Variants in LUC7L2 observed in about 807,000 individuals in gnomAD.
LUC7L2 encodes the protein putative RNA-binding protein Luc7-like 2.
LUC7L2 carries 25 observed loss-of-function variants against 52.8 expected under a neutral mutation model. That is an observed-to-expected ratio of 0.47 (90% CI 0.34 to 0.66). The LOEUF (loss-of-function observed/expected upper bound fraction) is 0.66, where lower values mean the gene tolerates loss of function less well. Ranked by LOEUF, LUC7L2 falls within the 30% of genes least tolerant of loss-of-function variation. The pLI is 0.01. For synonymous variants in LUC7L2, 144 were observed against 160.9 expected (o/e 0.89, Z 0.80); for missense variants, 328 against 497.8 (o/e 0.66, Z 3.25).
chr7:139,352,416 G>A (rs1563251479), intron 1 of LUC7L2, among the ~76,000 whole-genome samples: 1 of 152,176 alleles, frequency 6.6e-6, no homozygotes, highest in Non-Finnish European at 1.5e-5. Flanking sequence ...GATCCCTTGA[G>A]CCTGGGAGGT....
intron 3 of LUC7L2, among the ~76,000 whole-genome samples, chr7:139,399,920 T>TAA (rs112363069): frequency 6.6e-6 from 1 of 151,814 alleles, no homozygotes; most frequent in Non-Finnish European, 1.5e-5. Context: ...TGCATATATA[T>TAA]AATCAGCATT....
Position 139,422,258 on chromosome 7 carries a change from A to G in LUC7L2, c.1097A>G (p.Asp366Gly). The change falls in exon 10 of 10, where the codon GAT (aspartate) becomes GGT (glycine). Residue 366 changes from aspartate to glycine, a missense_variant. Physicochemically the swap from Asp to Gly is moderately conservative, Grantham distance 94. Around this residue, in one of 2 missense-constraint regions of LUC7L2, gnomAD observed 195 missense variants for 223.3 expected, o/e 0.87. Transcript: ENST00000354926. ...TCACCTCGTGACAGAGATCGGAAAGATAAGAAGCGGTCCTATGAGAGTGCT... is the reference window on the plus strand; with the variant it reads ...TCACCTCGTGACAGAGATCGGAAAGGTAAGAAGCGGTCCTATGAGAGTGCT... ...DRSPRDRDRK[D>G]KKRSYESANG... The G allele has an allele frequency of 1.2e-6, 2 of 1,614,240 alleles. No individual in the cohort carries two copies. Among genetic ancestry groups the G allele is most frequent in the South Asian group, 1.1e-5 (1 of 91,084 alleles).
chr7:139,381,387 T>TTTTTATTTTATTTTATTTTATTTTA (rs144581381), intron 2 of LUC7L2, among the ~76,000 whole-genome samples: 10 of 110,162 alleles, frequency 9.1e-5, no homozygotes, highest in Admixed American at 2.8e-4. Flanking sequence ...TTTATTTTAT[T>TTTTTATTTTATTTTATTTTATTTTA]TTTTATTTTA....
intron 2 of LUC7L2, among the ~76,000 whole-genome samples, chr7:139,393,407 G>T (rs1485618968): frequency 6.6e-6 from 1 of 152,016 alleles, no homozygotes; most frequent in Non-Finnish European, 1.5e-5. Context: ...TCCAGACTGG[G>T]GGACAGAGTG....
chr7:139,353,391 T>C (rs1021511390), intron 1 of LUC7L2, among the ~76,000 whole-genome samples: 1 of 152,228 alleles, frequency 6.6e-6, no homozygotes, highest in African/African-American at 2.4e-5. Flanking sequence ...ATTACCTAGT[T>C]TTAAATGTAT....
Position 139,412,563 on chromosome 7 carries a change from C to T in LUC7L2, c.792C>T (p.His264=). The T allele has an allele frequency of 1.9e-6, 3 of 1,603,222 alleles. No individual in the cohort carries two copies. Among genetic ancestry groups the T allele is most frequent in the Non-Finnish European group, 2.5e-6 (3 of 1,176,614 alleles). ...TTTTTTTTTTTAGGTCCCGATCACA[C>T]AGCAAGAATCCAAAAAGGTAGGTGT... ...EREKLRRSRS[H]SKNPKRSRSR... The change falls in exon 8 of 10, where the codon CAC becomes CAT. Residue 264 remains histidine, a synonymous_variant. Coordinates refer to ENST00000354926, the MANE Select transcript of LUC7L2 (RefSeq NM_016019.5).
intron 2 of LUC7L2, among the ~76,000 whole-genome samples, chr7:139,395,448 G>A (rs1414986051): frequency 1.3e-5 from 2 of 152,116 alleles, no homozygotes; most frequent in African/African-American, 4.8e-5. Context: ...AAGGATTGGA[G>A]CCTGGAAAAA....
intron 2 of LUC7L2, among the ~76,000 whole-genome samples, chr7:139,383,070 C>T (rs948283736): frequency 2.0e-5 from 3 of 152,034 alleles, no homozygotes; most frequent in African/African-American, 4.8e-5. Context: ...GGATTACAGG[C>T]GCATGCCACC....
intron 7 of LUC7L2, among the ~76,000 whole-genome samples, chr7:139,412,059 G>C (rs1199449727): frequency 6.6e-6 from 1 of 151,964 alleles, no homozygotes; most frequent in Admixed American, 6.6e-5. Context: ...TTTGGTTTCT[G>C]GATTTAGGGA....
intron 2 of LUC7L2, among the ~76,000 whole-genome samples, chr7:139,380,255 A>G (rs1470693427): frequency 6.6e-6 from 1 of 152,204 alleles, no homozygotes; most frequent in African/African-American, 2.4e-5. Flanking sequence ...AATGATTTTT[A>G]TAAGAAATAT....
At chr7:139,349,173 A>C (rs1392567821) in intron 1 of LUC7L2, among the ~76,000 whole-genome samples, 1 of 152,222 alleles carries the variant, frequency 6.6e-6, no homozygotes, top group Admixed American at 6.5e-5. Context: ...CCAACAAGCA[A>C]ACAAAAAAAT....
intron 2 of LUC7L2, among the ~76,000 whole-genome samples, chr7:139,393,906 T>G (rs977812190): frequency 6.6e-6 from 1 of 152,172 alleles, no homozygotes; most frequent in Non-Finnish European, 1.5e-5. Flanking sequence ...AGATAACCAC[T>G]GAGGATATTC....
At chr7:139,369,697 A>G (rs1342660824) in intron 1 of LUC7L2, among the ~76,000 whole-genome samples, 1 of 123,812 alleles carries the variant, frequency 8.1e-6, no homozygotes, top group African/African-American at 5.2e-5. Context: ...GATTTTTAAC[A>G]TTTTAAAAAC....
intron 2 of LUC7L2, among the ~76,000 whole-genome samples, chr7:139,393,959 C>T (rs538918223): frequency 1.8e-4 from 28 of 152,274 alleles, no homozygotes; most frequent in Admixed American, 3.9e-4. Flanking sequence ...GGCCCTTGGT[C>T]CTAGGGCTTT....
At chr7:139,371,357 C>T (rs1800439848) in intron 1 of LUC7L2, 2 of 794,546 alleles carry the variant, frequency 2.5e-6, no homozygotes, top group South Asian at 1.5e-5. Flanking sequence ...TTTGAAATTA[C>T]AATACTAAAC....
intron 9 of LUC7L2, 28 bp from the exon 10 acceptor site, chr7:139,422,135 T>C: frequency 1.9e-6 from 3 of 1,577,270 alleles, no homozygotes; most frequent in Admixed American, 3.9e-5. Context: ...TCCCAACATA[T>C]TTTGCTCCTC....
intron 2 of LUC7L2, among the ~76,000 whole-genome samples, chr7:139,396,373 G>T (rs191623779): frequency 1.3e-5 from 2 of 152,240 alleles, no homozygotes; most frequent in South Asian, 2.1e-4. Context: ...GAGCTGGGAG[G>T]TGGAGGCTGC....
rs888269294 is a variant in LUC7L2, at chr7:139,414,961, A to G, written c.809+2381A>G. Among the ~76,000 whole-genome samples the G allele has an allele frequency of 7.3e-5, 11 of 151,008 alleles. No individual in the cohort carries two copies. The Admixed American group carries it at 7.3e-4, about 10-fold the overall frequency. ...GAGTGCAGTGGCAAAATGCCAGCTC[A>G]CTGCAACCTCCGCCTCCCAGGTTCA... On this transcript the variant is annotated intron_variant, in intron 8 of 9. Transcript: ENST00000354926.
intron 1 of LUC7L2, among the ~76,000 whole-genome samples, chr7:139,353,976 C>T (rs184404526): frequency 0.012 from 1,855 of 151,848 alleles, 31 homozygotes; most frequent in East Asian, 0.083. Flanking sequence ...ATTAGCTGGG[C>T]TTGGTGGCTG....
Sources: gnomAD v4.1 joint callset for allele counts (sites outside exome capture counted in the v4.1 genomes callset) on GRCh38, gnomAD v4.1.1 for gene constraint, gnomAD v4.1.1 regional missense constraint, MANE v1.5 for transcripts, NCBI Gene and HGNC (gene_info 2026-07-23, HGNC 2026-07-21) for gene names.